Variants in ESRRG observed in about 807,000 individuals in gnomAD.
The protein encoded by ESRRG is estrogen related receptor gamma, also known as estrogen-related receptor gamma.
A neutral mutation model predicts 44.0 loss-of-function variants in ESRRG; 13 were observed. The observed-to-expected ratio is 0.30, with a 90% CI of 0.19 to 0.47. ESRRG has a LOEUF of 0.47. Among genes scored for constraint, ESRRG ranks in the 20% least tolerant of loss-of-function variants. The pLI, the probability that ESRRG is intolerant of heterozygous loss-of-function variation, is 1.00. For synonymous variants in ESRRG, 215 were observed against 214.6 expected, an observed-to-expected ratio of 1.00 and a Z score of -0.02; for missense variants, 395 against 580.6, an observed-to-expected ratio of 0.68 and a Z score of 3.29.
intron 1 of ESRRG, among the ~76,000 whole-genome samples, chr1:217,132,381 C>A (rs937107921): frequency 3.9e-5 from 6 of 152,098 alleles, no homozygotes; most frequent in Non-Finnish European, 7.4e-5. Flanking sequence ...TTTTAGTACC[C>A]AGATGACACA....
In ESRRG at chr1:216,868,110, A is replaced by G. The variant is rs1348322812; in HGVS notation, c.-14+71472T>C. On this transcript the variant is annotated intron_variant, in intron 2 of 7. Coordinates refer to the ESRRG transcript ENST00000359162. ...TTTTTTTTTTTTTTTTTTTTGAGACAGAGTTTCACTCCTATTGCCCAGGCT... is the reference window on the plus strand; with the variant it reads ...TTTTTTTTTTTTTTTTTTTTGAGACGGAGTTTCACTCCTATTGCCCAGGCT... Among the ~76,000 whole-genome samples the G allele has an allele frequency of 2.5e-5, 3 of 117,954 alleles. 1 individual carries two copies. The highest frequency in any genetic ancestry group is 1.0e-4 in the Admixed American group (1 of 9,592). 77.4% of individuals were successfully genotyped at this position (117,954 alleles called of 152,430 possible).
chr1:216,692,234 C>T (rs938993837), intron 1 of ESRRG, among the ~76,000 whole-genome samples: 1 of 151,770 alleles, frequency 6.6e-6, no homozygotes, highest in African/African-American at 2.4e-5. Context: ...GCCCTGAAGA[C>T]CTTCCAGTAG....
At chr1:216,623,949 T>C (rs1322066884) in intron 3 of ESRRG, among the ~76,000 whole-genome samples, 1 of 151,660 alleles carries the variant, frequency 6.6e-6, no homozygotes, top group East Asian at 2.0e-4. Flanking sequence ...ACTACACCAG[T>C]GGGATCATTA....
At chr1:217,090,789 C>G (rs1002548646), upstream of ESRRG, among the ~76,000 whole-genome samples, 1 of 152,176 alleles carries the variant, frequency 6.6e-6, no homozygotes, top group East Asian at 1.9e-4. Context: ...TTATTTAACT[C>G]ATTCTACAAC....
intron 2 of ESRRG, among the ~76,000 whole-genome samples, chr1:216,831,127 A>G (rs1345321313): frequency 2.0e-5 from 3 of 151,938 alleles, no homozygotes; most frequent in African/African-American, 4.8e-5. Flanking sequence ...AATTTTATAC[A>G]TGGCATTCTT....
At chr1:216,994,176 G>A (rs2076074416) in intron 1 of ESRRG, among the ~76,000 whole-genome samples, 1 of 152,166 alleles carries the variant, frequency 6.6e-6, no homozygotes, top group Non-Finnish European at 1.5e-5. Context: ...CAGGGGACTG[G>A]TAATGGGCTA....
chr1:216,649,054 T>C lies in ESRRG; in HGVS notation c.589+1919A>G, dbSNP rs148822841. Among the ~76,000 whole-genome samples the C allele has an allele frequency of 1.2e-3, 186 of 152,258 alleles. 2 individuals carry two copies. Among genetic ancestry groups the C allele is most frequent in the African/African-American group, 4.2e-3 (176 of 41,576 alleles). ...GATAAAGAGCTCCACTTCACAAACG[T>C]AAGCTACCACCATCATCCTAACTGA... On this transcript the variant is annotated intron_variant, in intron 3 of 6. Transcript: ENST00000408911.
At chr1:216,868,888 T>C (rs1164362979) in intron 2 of ESRRG, among the ~76,000 whole-genome samples, 1 of 152,126 alleles carries the variant, frequency 6.6e-6, no homozygotes, top group Non-Finnish European at 1.5e-5. Flanking sequence ...TCTGTTCAAG[T>C]CTTTTGCACA....
At chr1:217,012,463 T>C (rs950804068) in intron 1 of ESRRG, among the ~76,000 whole-genome samples, 1 of 152,204 alleles carries the variant, frequency 6.6e-6, no homozygotes. Context: ...ATACCTAGCT[T>C]GATAGCATTT....
At chr1:216,649,805 C>G (rs958770159) in intron 3 of ESRRG, among the ~76,000 whole-genome samples, 1 of 152,040 alleles carries the variant, frequency 6.6e-6, no homozygotes, top group Non-Finnish European at 1.5e-5. Flanking sequence ...ACTCATCTTC[C>G]TATAATATTG....
At chr1:216,946,586 T>TATA (rs1292394926) in intron 1 of ESRRG, among the ~76,000 whole-genome samples, 5 of 152,202 alleles carry the variant, frequency 3.3e-5, no homozygotes, top group Admixed American at 6.5e-5. Context: ...TTCCAAAGGA[T>TATA]ATACAGCCAT....
chr1:216,572,252 T>C (rs2060940131), intron 3 of ESRRG, among the ~76,000 whole-genome samples: 1 of 152,062 alleles, frequency 6.6e-6, no homozygotes. Flanking sequence ...TAATCATCAA[T>C]TTATTTAGTT....
intron 2 of ESRRG, among the ~76,000 whole-genome samples, chr1:216,905,168 G>A (rs931732966): frequency 1.2e-4 from 18 of 152,178 alleles, no homozygotes; most frequent in Admixed American, 1.2e-3. Flanking sequence ...CAGATACTCC[G>A]GCTGCCCATC....
intron 2 of ESRRG, among the ~76,000 whole-genome samples, chr1:216,876,552 TCTA>T (rs1207461821): frequency 1.4e-5 from 2 of 146,106 alleles, no homozygotes; most frequent in Non-Finnish European, 2.9e-5. Context: ...ACAAAGGAAA[TCTA>T]CTTTTTATTT....
chr1:216,929,262 G>GCTTC (rs796593670), intron 2 of ESRRG, among the ~76,000 whole-genome samples: 34 of 151,830 alleles, frequency 2.2e-4, no homozygotes, highest in Admixed American at 7.2e-4. Context: ...TTCCTTCCTT[G>GCTTC]CTTCCTTCCT....
At chr1:217,093,463 C>T (rs1481655889), upstream of ESRRG, among the ~76,000 whole-genome samples, 2 of 119,022 alleles carry the variant, frequency 1.7e-5, no homozygotes, top group East Asian at 2.9e-4. Flanking sequence ...AAAGGCAGCT[C>T]AGGAAAAAAA....
At chr1:217,065,132 A>G (rs960584260) in intron 1 of ESRRG, among the ~76,000 whole-genome samples, 3 of 152,216 alleles carry the variant, frequency 2.0e-5, no homozygotes, top group Non-Finnish European at 4.4e-5. Context: ...TAGGATATCC[A>G]TTAATGCCCC....
At chr1:216,728,964 G>A (rs1381772625) in intron 2 of ESRRG, among the ~76,000 whole-genome samples, 1 of 152,104 alleles carries the variant, frequency 6.6e-6, no homozygotes, top group Non-Finnish European at 1.5e-5. Context: ...TTAATTAGAG[G>A]TGTGTGTTTG....
At chr1:216,691,766 C>G (rs545627355) in intron 1 of ESRRG, among the ~76,000 whole-genome samples, 4 of 152,300 alleles carry the variant, frequency 2.6e-5, no homozygotes, top group East Asian at 1.9e-4. Context: ...CTGAGCTGAC[C>G]TGGCCTTACT....
Sources: gnomAD v4.1 joint callset for allele counts (sites outside exome capture counted in the v4.1 genomes callset) on GRCh38, gnomAD v4.1.1 for gene constraint, MANE v1.5 for transcripts, NCBI Gene and HGNC (gene_info 2026-07-23, HGNC 2026-07-21) for gene names.